Variants in ACSM5 observed in about 807,000 individuals in gnomAD.
The protein encoded by ACSM5 is acyl-coenzyme A synthetase ACSM5, mitochondrial.
In ACSM5, 56 loss-of-function variants were observed where a neutral mutation model predicts 71.6. The ratio of observed to expected loss-of-function variants is 0.78; its 90% CI spans 0.63 to 0.98. The LOEUF (loss-of-function observed/expected upper bound fraction) is 0.98, where lower values mean the gene tolerates loss of function less well. Ranked by LOEUF, ACSM5 falls within the 50% of genes least tolerant of loss-of-function variation. ACSM5 has a pLI of 0.00. For missense variants in ACSM5, 723 were observed against 726.0 expected (o/e 1.00, Z 0.05); for synonymous variants, 285 against 281.5 (o/e 1.01, Z -0.12).
chr16:20,422,625 G>A (rs1966901606), intron 5 of ACSM5, among the ~76,000 whole-genome samples: 1 of 152,144 alleles, frequency 6.6e-6, no homozygotes, highest in African/African-American at 2.4e-5. Flanking sequence ...TGGGTATTTT[G>A]AGCAGAGGAG....
chr16:20,421,656 T>TATACACAC (rs1395366828), intron 5 of ACSM5, among the ~76,000 whole-genome samples: 1 of 106,072 alleles, frequency 9.4e-6, no homozygotes, highest in African/African-American at 3.8e-5. Context: ...TATATATATA[T>TATACACAC]ACACACACAC....
intron 12 of ACSM5, among the ~76,000 whole-genome samples, chr16:20,438,000 A>G (rs1301035148): frequency 6.6e-6 from 1 of 151,846 alleles, no homozygotes; most frequent in African/African-American, 2.4e-5. Flanking sequence ...TAATTTTTGT[A>G]TTTTTAGTAG....
At chr16:20,420,816 G>A (rs1335306529) in intron 4 of ACSM5, among the ~76,000 whole-genome samples, 1 of 152,176 alleles carries the variant, frequency 6.6e-6, no homozygotes, top group Admixed American at 6.5e-5. Context: ...ATGAGAGCCC[G>A]TGGATTAGCT....
chr16:20,434,863 T>C lies in ACSM5; in HGVS notation c.1309-2189T>C, dbSNP rs183399626. Among the ~76,000 whole-genome samples the C allele has an allele frequency of 9.6e-4, 146 of 152,368 alleles. 1 individual carries two copies. The highest frequency in any genetic ancestry group is 3.2e-3 in the African/African-American group (134 of 41,584). On this transcript the variant is annotated intron_variant, in intron 10 of 13. Transcript: ENST00000331849. Reference sequence around the variant, plus strand: ...TGGGAGAACAACTCTAACCTTGTTATTCAACTCATTTAGAAGTGTTTTACC... The same window carrying C: ...TGGGAGAACAACTCTAACCTTGTTACTCAACTCATTTAGAAGTGTTTTACC...
chr16:20,424,238 A>G (rs972479935), intron 6 of ACSM5, among the ~76,000 whole-genome samples, 169 bp downstream of exon 6: 10 of 152,062 alleles, frequency 6.6e-5, no homozygotes, highest in East Asian at 1.9e-4. Context: ...GTTCCCTTCA[A>G]TCATTGCCTA....
At chr16:20,436,221 TCCC>T (rs1388204888) in intron 10 of ACSM5, among the ~76,000 whole-genome samples, 1 of 140,284 alleles carries the variant, frequency 7.1e-6, no homozygotes, top group Admixed American at 7.1e-5. Context: ...TCCCTTCTCT[TCCC>T]TTCCCTTCCC....
At chr16:20,424,808 A>G (rs910254968) in intron 6 of ACSM5, among the ~76,000 whole-genome samples, 1 of 152,242 alleles carries the variant, frequency 6.6e-6, no homozygotes, top group African/African-American at 2.4e-5. Flanking sequence ...ATGAAATGAT[A>G]CAAGGCAAAG....
rs573155326 is a variant in ACSM5 at position 20,412,645 on chromosome 16, G to C, written c.204+957G>C. Among the ~76,000 whole-genome samples, 110 of 152,266 alleles carry C rather than the reference G, an allele frequency of 7.2e-4. 1 individual carries two copies. Among genetic ancestry groups the C allele is most frequent in the African/African-American group, 2.5e-3 (103 of 41,548 alleles). ...TCAACCAATGTGAAGCTTAACCAATGAGAAAAGCCTTTTCCCTAGGGGTTT... is the reference window on the plus strand; with the variant it reads ...TCAACCAATGTGAAGCTTAACCAATCAGAAAAGCCTTTTCCCTAGGGGTTT... On this transcript the variant is annotated intron_variant, in intron 2 of 13. Coordinates refer to ENST00000331849, the MANE Select transcript of ACSM5 (RefSeq NM_017888.3).
intron 5 of ACSM5, 100 bp from the exon 6 acceptor site, chr16:20,423,816 C>G (rs1314328633): frequency 1.2e-5 from 17 of 1,401,778 alleles, no homozygotes; most frequent in Admixed American, 2.0e-5. Flanking sequence ...TAAGTGAGTA[C>G]CCACTGAGCA....
At chr16:20,432,630 G>A (rs954212218) in intron 10 of ACSM5, among the ~76,000 whole-genome samples, 4 of 151,950 alleles carry the variant, frequency 2.6e-5, no homozygotes, top group African/African-American at 4.8e-5. Flanking sequence ...ATTTATTGTC[G>A]ACTTCGTGCC....
At chr16:20,414,413 G>A (rs745883694) in intron 2 of ACSM5, among the ~76,000 whole-genome samples, 41 of 152,298 alleles carry the variant, frequency 2.7e-4, no homozygotes, top group Non-Finnish European at 4.1e-4. Flanking sequence ...GTGGGGCCAC[G>A]ATCCAAGGAA....
chr16:20,415,302 G>A (rs1451047036), intron 2 of ACSM5, among the ~76,000 whole-genome samples: 1 of 152,134 alleles, frequency 6.6e-6, no homozygotes. Flanking sequence ...GAGTGTGGTT[G>A]GACAATCTTT....
chr16:20,432,307 C>A (rs984217828), intron 10 of ACSM5, among the ~76,000 whole-genome samples: 1 of 152,136 alleles, frequency 6.6e-6, no homozygotes, highest in African/African-American at 2.4e-5. Flanking sequence ...GAATGTCAAG[C>A]CTGAGAGCCA....
intron 1 of ACSM5, among the ~76,000 whole-genome samples, chr16:20,410,523 G>T (rs1395760522): frequency 6.6e-6 from 1 of 152,060 alleles, no homozygotes. Context: ...TGAGGCCAGG[G>T]GTTCAAGCCC....
chr16:20,437,415 G>A (rs2141662547), intron 12 of ACSM5, 48 bp downstream of exon 12: 1 of 1,342,936 alleles, frequency 7.4e-7, no homozygotes, highest in Non-Finnish European at 1.1e-6. Flanking sequence ...GTACCTATTA[G>A]CACCCAGCAG....
intron 5 of ACSM5, among the ~76,000 whole-genome samples, chr16:20,423,636 A>G (rs986102791): frequency 6.6e-6 from 1 of 152,266 alleles, no homozygotes; most frequent in African/African-American, 2.4e-5. Flanking sequence ...AAGTGACCTT[A>G]GCACAGAGTA....
At chr16:20,439,379 G>A (rs925327731) in intron 12 of ACSM5, among the ~76,000 whole-genome samples, 2 of 148,938 alleles carry the variant, frequency 1.3e-5, no homozygotes, top group African/African-American at 5.0e-5. Context: ...AGTTCCCCTT[G>A]CAAGTGCCTG....
intron 2 of ACSM5, among the ~76,000 whole-genome samples, chr16:20,415,470 A>C (rs1432478157): frequency 6.6e-6 from 1 of 152,226 alleles, no homozygotes; most frequent in Non-Finnish European, 1.5e-5. Flanking sequence ...GGGGTGAATC[A>C]CTGAGACATA....
chr16:20,430,861 G>C, intron 8 of ACSM5, 132 bp from the exon 9 acceptor site: 1 of 649,526 alleles, frequency 1.5e-6, no homozygotes, highest in East Asian at 2.7e-5. Flanking sequence ...AGAAGGGAAA[G>C]AAAGAAGAAA....
Sources: allele counts gnomAD v4.1 joint callset (sites outside exome capture counted in the v4.1 genomes callset), GRCh38; gene constraint gnomAD v4.1.1; transcripts MANE v1.5; gene names NCBI Gene and HGNC (gene_info 2026-07-23, HGNC 2026-07-21).